Variants in ALG9 observed in about 807,000 individuals in gnomAD.
ALG9 encodes the protein ALG9 alpha-1,2-mannosyltransferase, also known as alpha-1,2-mannosyltransferase ALG9.
ALG9 carries 55 observed loss-of-function variants against 81.8 expected under a neutral mutation model. The ratio of observed to expected loss-of-function variants is 0.67; its 90% CI spans 0.54 to 0.84. ALG9 has a LOEUF of 0.84. Ranked by LOEUF, ALG9 falls within the 40% of genes least tolerant of loss-of-function variation. The pLI is 0.00. For synonymous variants in ALG9, 278 were observed against 274.3 expected, an observed-to-expected ratio of 1.01 and a Z score of -0.13; for missense variants, 629 against 745.0, an observed-to-expected ratio of 0.84 and a Z score of 1.81.
chr11:111,819,513 G>A (rs1555101123), intron 13 of ALG9, among the ~76,000 whole-genome samples: 2 of 152,198 alleles, frequency 1.3e-5, no homozygotes, highest in African/African-American at 4.8e-5. Flanking sequence ...TAAATCAACT[G>A]CCCTGTAAAC....
intron 4 of ALG9, among the ~76,000 whole-genome samples, chr11:111,861,754 G>A (rs546019894): frequency 1.3e-5 from 2 of 152,214 alleles, no homozygotes; most frequent in East Asian, 1.9e-4. Context: ...AAAGCACTGG[G>A]ATTACAGGCT....
intron 14 of ALG9, among the ~76,000 whole-genome samples, chr11:111,805,529 C>T (rs1229402428): frequency 6.6e-6 from 1 of 152,202 alleles, no homozygotes; most frequent in East Asian, 1.9e-4. Flanking sequence ...AACTTAAATG[C>T]AGCTTGCTAA....
intron 13 of ALG9, among the ~76,000 whole-genome samples, chr11:111,821,637 GCTT>G (rs1555103802): frequency 1.3e-5 from 2 of 151,754 alleles, no homozygotes; most frequent in South Asian, 2.1e-4. Flanking sequence ...GTTTCCCCAG[GCTT>G]CTTTTTTTTT....
chr11:111,810,219 CA>C (rs1474655623), intron 13 of ALG9, among the ~76,000 whole-genome samples: 3 of 152,150 alleles, frequency 2.0e-5, no homozygotes, highest in Admixed American at 6.5e-5. Context: ...CTACACCTCA[CA>C]GGGGTACAGA....
chr11:111,868,007 G>T (rs376816215), intron 3 of ALG9, among the ~76,000 whole-genome samples: 21 of 152,272 alleles, frequency 1.4e-4, no homozygotes, highest in African/African-American at 5.1e-4. Context: ...AATAACAAAA[G>T]ATCTGACATT....
intron 1 of ALG9, chr11:111,870,920 C>T (rs377137044): frequency 8.0e-6 from 8 of 1,001,262 alleles, no homozygotes; most frequent in African/African-American, 6.9e-5. Context: ...ATGTTGACAG[C>T]TCCCTTAATG....
intron 14 of ALG9, among the ~76,000 whole-genome samples, chr11:111,803,674 T>C (rs1345063572): frequency 2.0e-5 from 3 of 151,960 alleles, no homozygotes; most frequent in Non-Finnish European, 2.9e-5. Flanking sequence ...CAGTTAACTA[T>C]AAATCTCTCA....
chr11:111,812,217 G>A (rs1161968307), intron 13 of ALG9, among the ~76,000 whole-genome samples: 3 of 152,068 alleles, frequency 2.0e-5, no homozygotes, highest in Admixed American at 6.5e-5. Context: ...CTCAACAAGC[G>A]GATTCTAAAA....
At chr11:111,772,360 A>T in the ALG9 span, among the ~76,000 whole-genome samples, 2 of 152,260 alleles carry the variant, frequency 1.3e-5, no homozygotes, top group African/African-American at 4.8e-5. Context: ...TGGGAGGCAG[A>T]GGCTGCAGTT....
chr11:111,866,968 G>A (rs1962696258), intron 3 of ALG9, among the ~76,000 whole-genome samples: 1 of 152,108 alleles, frequency 6.6e-6, no homozygotes, highest in African/African-American at 2.4e-5. Context: ...GGGGGCTCAA[G>A]CTTGTAATCC....
At chr11:111,772,889 G>C in the ALG9 span, among the ~76,000 whole-genome samples, 1 of 152,136 alleles carries the variant, frequency 6.6e-6, no homozygotes, top group South Asian at 2.1e-4. Flanking sequence ...TGTGAGGAGT[G>C]AGAGTCATGA....
At chr11:111,851,477 CAA>C (rs11343980) in intron 8 of ALG9, among the ~76,000 whole-genome samples, 94 of 105,002 alleles carry the variant, frequency 9.0e-4, no homozygotes, top group Middle Eastern at 4.7e-3. Context: ...AACTCCATCT[CAA>C]AAAAAAAAAA....
At chr11:111,777,711 A>G (rs1184733238), downstream of ALG9, among the ~76,000 whole-genome samples, 1 of 152,316 alleles carries the variant, frequency 6.6e-6, no homozygotes, top group African/African-American at 2.4e-5. Flanking sequence ...TCTTTCATAC[A>G]TGTAGCACTG....
At chr11:111,866,584 GAGA>G (rs1185598666) in intron 3 of ALG9, among the ~76,000 whole-genome samples, 1 of 152,014 alleles carries the variant, frequency 6.6e-6, no homozygotes, top group African/African-American at 2.4e-5. Flanking sequence ...GTAAGAACAA[GAGA>G]AGAAGAGAAA....
At chr11:111,870,094 GTTTT>G (rs1399469113) in intron 2 of ALG9, 134 bp downstream of exon 2, 1 of 1,106,022 alleles carries the variant, frequency 9.0e-7, no homozygotes. Flanking sequence ...TTATAGGCCT[GTTTT>G]TTTGTTTTTT....
intron 13 of ALG9, among the ~76,000 whole-genome samples, chr11:111,822,080 C>A (rs1952490403): frequency 6.6e-6 from 1 of 152,118 alleles, no homozygotes; most frequent in Non-Finnish European, 1.5e-5. Context: ...GTGGCTAATG[C>A]TCCAAAATGA....
intron 14 of ALG9, among the ~76,000 whole-genome samples, chr11:111,801,388 C>A (rs1949104182): frequency 6.6e-6 from 1 of 152,074 alleles, no homozygotes; most frequent in African/African-American, 2.4e-5. Flanking sequence ...GCAGTTAGAC[C>A]AATATATACT....
chr11:111,855,955 TC>T (rs1460642755), intron 6 of ALG9, among the ~76,000 whole-genome samples: 1 of 151,982 alleles, frequency 6.6e-6, no homozygotes, highest in Non-Finnish European at 1.5e-5. Flanking sequence ...ATAGGTAAAT[TC>T]CCACAAGTGC....
chr11:111,803,776 G>C (rs1249684087), intron 14 of ALG9, among the ~76,000 whole-genome samples: 1 of 152,054 alleles, frequency 6.6e-6, no homozygotes, highest in Non-Finnish European at 1.5e-5. Flanking sequence ...AATTAATTTA[G>C]ACACAGATCT....
Sources: allele counts gnomAD v4.1 joint callset (sites outside exome capture counted in the v4.1 genomes callset), GRCh38; gene constraint gnomAD v4.1.1; transcripts MANE v1.5; gene names NCBI Gene and HGNC (gene_info 2026-07-23, HGNC 2026-07-21).